PPM1G: variants seen among roughly 807,000 people sequenced by gnomAD.
The protein encoded by PPM1G is protein phosphatase, Mg2+/Mn2+ dependent 1G, also known as protein phosphatase 1G.
PPM1G carries 12 observed loss-of-function variants against 59.4 expected under a neutral mutation model. The ratio of observed to expected loss-of-function variants is 0.20; its 90% CI spans 0.13 to 0.33. The LOEUF (loss-of-function observed/expected upper bound fraction) is 0.33, where lower values mean the gene tolerates loss of function less well. PPM1G is among the 10% of genes least tolerant of loss of function. The pLI, the probability that PPM1G is intolerant of heterozygous loss-of-function variation, is 1.00. For synonymous variants in PPM1G, 245 were observed against 251.9 expected (o/e 0.97, Z 0.26); for missense variants, 392 against 681.3 (o/e 0.58, Z 4.73).
intron 1 of PPM1G, among the ~76,000 whole-genome samples, chr2:27,403,914 T>C (rs568806288): frequency 3.6e-4 from 55 of 151,826 alleles, no homozygotes; most frequent in African/African-American, 1.3e-3. Flanking sequence ...CTGACCTGGT[T>C]TAGTAAGTAA....
Position 27,385,190 on chromosome 2 carries a change from A to G in PPM1G, c.410-102T>C, listed in dbSNP as rs1572660509. On this transcript the variant is annotated intron_variant, in intron 4 of 9. Transcript: ENST00000344034. The surrounding 1 kb of genome is among the most constrained non-coding windows in gnomAD (Gnocchi z 4.1). ...CCTTGCAGCCTCTAACTTCCCCACA[A>G]CCTCCCACTCCCAAGGTTCCTCTCG... 1.5e-6 allele frequency: 2 copies of G among 1,300,878 alleles called. No homozygotes were observed. Among genetic ancestry groups the G allele is most frequent in the East Asian group, 4.8e-5 (2 of 41,406 alleles). The allele number at this position is 1,300,878 out of a possible 1,614,324, so 80.6% of individuals were successfully genotyped here.
intron 1 of PPM1G, among the ~76,000 whole-genome samples, chr2:27,391,374 G>C (rs1294866579): frequency 6.6e-6 from 1 of 152,130 alleles, no homozygotes; most frequent in Non-Finnish European, 1.5e-5. Context: ...AACAAAAGCT[G>C]TTCTGACTGG....
chr2:27,381,978 A>G, intron 9 of PPM1G, 148 bp downstream of exon 9: 1 of 1,011,840 alleles, frequency 9.9e-7, no homozygotes, highest in South Asian at 1.5e-5. Flanking sequence ...AGTCAGGGAA[A>G]TGACAGAAGG....
intron 3 of PPM1G, 117 bp downstream of exon 3, chr2:27,386,077 C>G: frequency 1.6e-6 from 2 of 1,252,156 alleles, no homozygotes; most frequent in Non-Finnish European, 2.3e-6. Context: ...GAACAGAATT[C>G]TTCAAGAGTA....
In PPM1G at chr2:27,381,607, G is replaced by A. The variant is rs375191761; in HGVS notation, c.1633C>T (p.Arg545Ter). 38 of 1,614,068 alleles carry A rather than the reference G, an allele frequency of 2.4e-5. No individual in the cohort carries two copies. In the South Asian group the frequency reaches 3.3e-4, roughly 14 times the overall value. Residue 545 changes from arginine to a stop codon, truncating the protein, a stop_gained, in exon 10 of 10, where the codon CGA becomes TGA. Coordinates refer to ENST00000344034, the MANE Select transcript of PPM1G (RefSeq NM_177983.3). LOFTEE classifies it high-confidence loss of function. Reference sequence around the variant, plus strand: ...AGGGGTCTGGATGACTGCTAGTCTCGCTTGGCCTTCTTCTTCTTGTCGCTG... The same window carrying A: ...AGGGGTCTGGATGACTGCTAGTCTCACTTGGCCTTCTTCTTCTTGTCGCTG... ...GNSDKKKKAKRD is the reference protein window; with the variant it reads ...GNSDKKKKAK
chr2:27,389,159 C>T (rs954445441), intron 1 of PPM1G, among the ~76,000 whole-genome samples: 1 of 152,136 alleles, frequency 6.6e-6, no homozygotes, highest in African/African-American at 2.4e-5. Context: ...ATATCCACCA[C>T]ATCCACATCA....
At chr2:27,406,486 A>C (rs1436807624) in intron 1 of PPM1G, among the ~76,000 whole-genome samples, 1 of 152,338 alleles carries the variant, frequency 6.6e-6, no homozygotes, top group African/African-American at 2.4e-5. Flanking sequence ...ATATTTATTC[A>C]AACAAGGGCA....
chr2:27,384,710 T>G lies in PPM1G; in HGVS notation c.788A>C (p.Glu263Ala). The change falls in exon 5 of 10, where the codon GAG (glutamate) becomes GCG (alanine). Residue 263 changes from glutamate (E) to alanine (A), a missense_variant. Transcript: ENST00000344034. The surrounding 1 kb of genome is among the most constrained non-coding windows in gnomAD (Gnocchi z 4.8). Reference protein sequence around the residue: ...KSKFFEDSEDESDEAEEEEED... With the variant: ...KSKFFEDSEDASDEAEEEEED... The stretch of plus-strand genomic sequence containing the variant: ...CTCTTCTTCCTCCGCCTCATCTGAC[T>G]CATCCTCACTGTCCTCAAAGAACTT... The G allele has an allele frequency of 6.2e-7, 1 of 1,613,324 alleles. No individual in the cohort carries two copies. The highest frequency in any genetic ancestry group is 8.5e-7 in the Non-Finnish European group (1 of 1,179,276).
At chr2:27,398,248 C>T (rs1248154021) in intron 1 of PPM1G, among the ~76,000 whole-genome samples, 2 of 152,044 alleles carry the variant, frequency 1.3e-5, no homozygotes, top group African/African-American at 4.8e-5. Context: ...CAAGATAATT[C>T]AATGGGGGAA....
chr2:27,401,398 C>G (rs1684176340), intron 1 of PPM1G, among the ~76,000 whole-genome samples: 1 of 152,154 alleles, frequency 6.6e-6, no homozygotes. Flanking sequence ...TAGGCAAATT[C>G]ATAGAGGTCA....
chr2:27,385,137 G>A lies in PPM1G; in HGVS notation c.410-49C>T. The A allele has an allele frequency of 6.6e-7, 1 of 1,520,320 alleles. No homozygotes were observed. The highest frequency in any genetic ancestry group is 8.8e-7 in the Non-Finnish European group (1 of 1,140,178). The allele number at this position is 1,520,320 out of a possible 1,614,324, so 94.2% of individuals were successfully genotyped here. On this transcript the variant is annotated intron_variant, in intron 4 of 9. Coordinates refer to ENST00000344034, the MANE Select transcript of PPM1G (RefSeq NM_177983.3). This position sits in a 1 kb window ranked among gnomAD's most constrained non-coding sequence, Gnocchi z 4.1. Reference sequence around the variant, plus strand: ...AGCCCCCATGCCAGACTCCTCATGGGATCCGTCCCTCTCACTACCTCAACA... The same window carrying A: ...AGCCCCCATGCCAGACTCCTCATGGAATCCGTCCCTCTCACTACCTCAACA...
chr2:27,384,590 G>A lies in PPM1G; in HGVS notation c.825+83C>T, dbSNP rs569185561. 8 of 1,463,282 alleles carry A rather than the reference G, an allele frequency of 5.5e-6. No individual in the cohort carries two copies. Among genetic ancestry groups the A allele is most frequent in the Non-Finnish European group, 7.4e-6 (8 of 1,088,434 alleles). The allele number at this position is 1,463,282 out of a possible 1,614,324, so 90.6% of individuals were successfully genotyped here. A position where few individuals can be genotyped will look rare whatever the true frequency, so the allele number is the denominator to read the frequency against. The stretch of plus-strand genomic sequence containing the variant: ...GGGGATGATGTCAAAATAGGAGAAG[G>A]AAAGAGAGTTGAAAACTACAGACGG... On this transcript the variant is annotated intron_variant, in intron 5 of 9. Coordinates refer to ENST00000344034, the MANE Select transcript of PPM1G (RefSeq NM_177983.3). This position sits in a 1 kb window ranked among gnomAD's most constrained non-coding sequence, Gnocchi z 4.8.
chr2:27,400,547 G>A (rs1315007489), intron 1 of PPM1G, among the ~76,000 whole-genome samples: 1 of 151,974 alleles, frequency 6.6e-6, no homozygotes, highest in African/African-American at 2.4e-5. Flanking sequence ...TGAGGCCAGG[G>A]GTTCAAGGCC....
chr2:27,385,127 C>T lies in PPM1G; in HGVS notation c.410-39G>A, dbSNP rs1202700133. The T allele has an allele frequency of 6.5e-7, 1 of 1,534,752 alleles. No homozygotes were observed. Among genetic ancestry groups the T allele is most frequent in the East Asian group, 2.3e-5 (1 of 44,310 alleles). On this transcript the variant is annotated intron_variant, in intron 4 of 9. Coordinates refer to ENST00000344034, the MANE Select transcript of PPM1G (RefSeq NM_177983.3). The surrounding 1 kb of genome is among the most constrained non-coding windows in gnomAD (Gnocchi z 4.1). ...GCTAAATCAGAGCCCCCATGCCAGA[C>T]TCCTCATGGGATCCGTCCCTCTCAC...
intron 1 of PPM1G, among the ~76,000 whole-genome samples, chr2:27,398,727 C>CA (rs1684110186): frequency 6.6e-6 from 1 of 151,208 alleles, no homozygotes; most frequent in Non-Finnish European, 1.5e-5. Flanking sequence ...GAGGCTGAGG[C>CA]AGGAGAATGG....
At chr2:27,400,749 G>T (rs1050181443) in intron 1 of PPM1G, among the ~76,000 whole-genome samples, 1 of 152,188 alleles carries the variant, frequency 6.6e-6, no homozygotes, top group Non-Finnish European at 1.5e-5. Context: ...AGTGAGGAAG[G>T]TTCCAACAGA....
At chr2:27,396,246 T>C (rs1282345448) in intron 1 of PPM1G, among the ~76,000 whole-genome samples, 3 of 152,132 alleles carry the variant, frequency 2.0e-5, no homozygotes, top group Admixed American at 2.0e-4. Flanking sequence ...CACTCCAGCC[T>C]GGGCGACAGA....
chr2:27,391,951 C>T (rs560531530), intron 1 of PPM1G, among the ~76,000 whole-genome samples: 19 of 151,986 alleles, frequency 1.3e-4, no homozygotes, highest in African/African-American at 4.1e-4. Context: ...AGGATGGTCT[C>T]GATCTCCTGG....
At chr2:27,399,683 A>G (rs1490407885) in intron 1 of PPM1G, among the ~76,000 whole-genome samples, 2 of 152,192 alleles carry the variant, frequency 1.3e-5, no homozygotes, top group Non-Finnish European at 2.9e-5. Context: ...CAAAACTACA[A>G]TGAGATACCA....
Sources: allele counts gnomAD v4.1 joint callset (sites outside exome capture counted in the v4.1 genomes callset), GRCh38; gene constraint gnomAD v4.1.1; non-coding constraint Gnocchi (gnomAD v3.1); transcripts MANE v1.5; gene names NCBI Gene and HGNC (gene_info 2026-07-23, HGNC 2026-07-21).